CDKL2: variants seen among roughly 807,000 people sequenced by gnomAD.
CDKL2 encodes the protein cyclin-dependent kinase-like 2.
A neutral mutation model predicts 63.9 loss-of-function variants in CDKL2; 64 were observed. The observed-to-expected ratio is 1.00, with a 90% CI of 0.82 to 1.23. The LOEUF (loss-of-function observed/expected upper bound fraction) is 1.23. Ranked by LOEUF, CDKL2 falls within the 50% of genes most tolerant of loss-of-function variation. The pLI, the probability that CDKL2 is intolerant of heterozygous loss-of-function variation, is 0.00. For synonymous variants in CDKL2, 211 were observed against 229.2 expected (o/e 0.92, Z 0.72); for missense variants, 656 against 668.0 (o/e 0.98, Z 0.20).
chr4:75,584,960 T>C (rs1462786151), intron 12 of CDKL2, among the ~76,000 whole-genome samples: 3 of 152,074 alleles, frequency 2.0e-5, no homozygotes, highest in African/African-American at 7.2e-5. Context: ...GCAGAAATAA[T>C]AAACGAATAC....
chr4:75,607,836 G>A (rs982525601), intron 3 of CDKL2, among the ~76,000 whole-genome samples: 7 of 152,118 alleles, frequency 4.6e-5, no homozygotes, highest in African/African-American at 1.7e-4. Context: ...TTTTTGAGAC[G>A]GAGTCTCGCT....
At chr4:75,616,572 A>G (rs2148904316) in intron 2 of CDKL2, among the ~76,000 whole-genome samples, 1 of 151,608 alleles carries the variant, frequency 6.6e-6, no homozygotes, top group South Asian at 2.1e-4. Flanking sequence ...AGTAATATCA[A>G]TGAAGTAATC....
chr4:75,592,954 T>C (rs1301999028), intron 10 of CDKL2, among the ~76,000 whole-genome samples: 1 of 152,246 alleles, frequency 6.6e-6, no homozygotes, highest in Non-Finnish European at 1.5e-5. Flanking sequence ...ACTTTTCCAA[T>C]ATTTTTCATT....
intron 3 of CDKL2, among the ~76,000 whole-genome samples, chr4:75,612,190 T>G (rs983835973): frequency 3.3e-5 from 5 of 151,988 alleles, no homozygotes; most frequent in African/African-American, 1.2e-4. Flanking sequence ...CCAGGCTGGC[T>G]TCGAACTCCT....
In CDKL2 at chr4:75,592,063, G is replaced by A. The variant is rs993269430; in HGVS notation, c.1540+83C>T. The A allele has an allele frequency of 2.0e-5, 28 of 1,378,796 alleles. No homozygotes were observed. In the Admixed American group the frequency reaches 6.3e-4, roughly 31 times the overall value. The allele number at this position is 1,378,796 out of a possible 1,614,324, so 85.4% of individuals were successfully genotyped here. On this transcript the variant is annotated intron_variant, in intron 11 of 13. Transcript: ENST00000307465. ...ATACTTAAATATGTAAAGTTAGTAT[G>A]AATTTTTATTTTTAAATTCTGTCTA...
At chr4:75,581,945 G>T in intron 12 of CDKL2, 47 bp from the exon 13 acceptor site, 1 of 1,291,198 alleles carries the variant, frequency 7.7e-7, no homozygotes, top group South Asian at 1.2e-5. Context: ...AATTGCAAAA[G>T]TTCCACTTCC....
chr4:75,628,331 T>G (rs1031885804), intron 1 of CDKL2, among the ~76,000 whole-genome samples: 2 of 152,030 alleles, frequency 1.3e-5, no homozygotes, highest in Non-Finnish European at 2.9e-5. Flanking sequence ...TAGCCAGGAT[T>G]GTATCGATCT....
chr4:75,620,383 A>C (rs1730106289), intron 2 of CDKL2, among the ~76,000 whole-genome samples: 1 of 152,180 alleles, frequency 6.6e-6, no homozygotes, highest in African/African-American at 2.4e-5. Flanking sequence ...TTTAAAAAAG[A>C]AAGCCAACCT....
At chr4:75,605,751 C>A in intron 4 of CDKL2, 117 bp from the exon 5 acceptor site, 1 of 608,112 alleles carries the variant, frequency 1.6e-6, no homozygotes, top group East Asian at 2.9e-5. Flanking sequence ...TTTCAGATTT[C>A]AGATTCTCAG....
intron 2 of CDKL2, among the ~76,000 whole-genome samples, chr4:75,617,153 T>C (rs1729962400): frequency 6.6e-6 from 1 of 152,158 alleles, no homozygotes. Flanking sequence ...CATGTTTACC[T>C]ATGTAACAAA....
At chr4:75,580,030 G>T (rs1248746851) in intron 13 of CDKL2, among the ~76,000 whole-genome samples, 1 of 152,192 alleles carries the variant, frequency 6.6e-6, no homozygotes, top group Non-Finnish European at 1.5e-5. Flanking sequence ...CCAGCACTTT[G>T]TGAGGCCAAG....
intron 2 of CDKL2, among the ~76,000 whole-genome samples, chr4:75,624,033 C>T (rs1730286446): frequency 6.6e-6 from 1 of 150,676 alleles, no homozygotes; most frequent in Admixed American, 6.7e-5. Context: ...ACTCAGGAGG[C>T]TGAGGCAGAA....
At position 75,597,184 on chromosome 4, in the gene CDKL2, C is replaced by A. The variant is rs191187479; in HGVS notation, c.1073G>T (p.Gly358Val). 6 of 1,612,242 alleles carry A rather than the reference C, an allele frequency of 3.7e-6. No individual in the cohort carries two copies. Among genetic ancestry groups the A allele is most frequent in the Admixed American group, 3.3e-5 (2 of 59,942 alleles). ...IKDYKLFKIK[G>V]SKIDGEKAEK... The stretch of plus-strand genomic sequence containing the variant: ...AGCTTTTTCTCCATCAATTTTTGAG[C>A]CTTTTATTTTAAATAGTTTATAATC... The change falls in exon 9 of 14, where the codon GGC (glycine) becomes GTC (valine). Residue 358 changes from glycine (G) to valine (V), a missense_variant. Transcript: ENST00000307465.
intron 8 of CDKL2, among the ~76,000 whole-genome samples, chr4:75,597,513 AGG>A (rs1728997750): frequency 6.6e-6 from 1 of 152,134 alleles, no homozygotes; most frequent in Non-Finnish European, 1.5e-5. Context: ...CTCATGGAAG[AGG>A]AATCAAGAAT....
intron 10 of CDKL2, among the ~76,000 whole-genome samples, chr4:75,593,171 T>G (rs1025121805): frequency 1.3e-5 from 2 of 152,140 alleles, no homozygotes; most frequent in Non-Finnish European, 2.9e-5. Context: ...CTGCTTACTC[T>G]TTTCATAGAA....
intron 6 of CDKL2, among the ~76,000 whole-genome samples, chr4:75,602,894 C>T (rs916023534): frequency 6.6e-5 from 10 of 151,444 alleles, no homozygotes; most frequent in African/African-American, 1.7e-4. Flanking sequence ...AAATGTTAAA[C>T]GTAAAAATCA....
At chr4:75,626,537 G>A (rs1294488327) in intron 1 of CDKL2, among the ~76,000 whole-genome samples, 1 of 152,184 alleles carries the variant, frequency 6.6e-6, no homozygotes, top group East Asian at 1.9e-4. Context: ...CTTGGTGGCA[G>A]GCGCCTGTAG....
At position 75,596,965 on chromosome 4, in the gene CDKL2, C is replaced by A. The variant is rs772807328; in HGVS notation, c.1292G>T (p.Gly431Val). 24 of 1,613,838 alleles carry A rather than the reference C, an allele frequency of 1.5e-5. No individual in the cohort carries two copies. In the Admixed American group the frequency reaches 2.2e-4, roughly 15 times the overall value. The change falls in exon 9 of 14, where the codon GGG becomes GTG. Residue 431 changes from glycine to valine, a missense_variant. By Grantham distance (109) the Gly-to-Val change is moderately radical (BLOSUM62 -3). Transcript: ENST00000307465. ...AVAPSINSGM[G>V]TETIPIQGYR... is the part of the protein sequence containing the mutation. ...ACCCTGAATTGGTATAGTCTCAGTCCCCATTCCAGAATTAATGCTGGGAGC... is the reference window on the plus strand; with the variant it reads ...ACCCTGAATTGGTATAGTCTCAGTCACCATTCCAGAATTAATGCTGGGAGC...
At chr4:75,600,739 G>A (rs561022868) in intron 6 of CDKL2, among the ~76,000 whole-genome samples, 13 of 152,206 alleles carry the variant, frequency 8.5e-5, no homozygotes, top group African/African-American at 1.4e-4. Context: ...GATTACCAGC[G>A]CAAGCCACCA....
Sources: allele counts gnomAD v4.1 joint callset (sites outside exome capture counted in the v4.1 genomes callset), GRCh38; gene constraint gnomAD v4.1.1; transcripts MANE v1.5; gene names NCBI Gene and HGNC (gene_info 2026-07-23, HGNC 2026-07-21).